Variants in PRKN observed in about 807,000 individuals in gnomAD.
PRKN encodes the protein parkin RBR E3 ubiquitin protein ligase, also known as E3 ubiquitin-protein ligase parkin.
PRKN carries 56 observed loss-of-function variants against 59.5 expected under a neutral mutation model. The observed-to-expected ratio is 0.94, with a 90% CI of 0.76 to 1.18. PRKN has a LOEUF of 1.18. PRKN is among the 50% of genes most tolerant of loss of function. PRKN has a pLI of 0.00. For synonymous variants in PRKN, 250 were observed against 222.1 expected, an observed-to-expected ratio of 1.13 and a Z score of -1.12; for missense variants, 657 against 596.4, an observed-to-expected ratio of 1.10 and a Z score of -1.06.
At chr6:162,239,348 C>T (rs2128090539) in intron 3 of PRKN, among the ~76,000 whole-genome samples, 2 of 152,138 alleles carry the variant, frequency 1.3e-5, no homozygotes, top group South Asian at 4.2e-4. Flanking sequence ...TTTATAGATT[C>T]CTACAAACCT....
In PRKN at chr6:161,758,311, T is replaced by C. The variant is rs73783393; in HGVS notation, c.871+27461A>G. On this transcript the variant is annotated intron_variant, in intron 7 of 11. Coordinates refer to ENST00000366898, the MANE Select transcript of PRKN (RefSeq NM_004562.3). ...ATGCTTGTTGGTAATGCCTGGCAAC[T>C]GGAAACAAGCCCAGCATTCATCAGC... is the stretch of plus-strand genomic sequence containing the variant. 8.1e-3 allele frequency among the ~76,000 whole-genome samples: 1,228 copies of C among 152,230 alleles called. 21 individuals carry two copies. Among genetic ancestry groups the C allele is most frequent in the African/African-American group, 0.027 (1,130 of 41,544 alleles).
chr6:161,757,886 T>TATATACACACACACACAC (rs1416363617), intron 7 of PRKN, among the ~76,000 whole-genome samples: 5 of 116,232 alleles, frequency 4.3e-5, no homozygotes, highest in African/African-American at 1.8e-4. Context: ...TATATATATA[T>TATATACACACACACACAC]ACACACACAC....
intron 1 of PRKN, among the ~76,000 whole-genome samples, chr6:162,645,146 A>G (rs1778118138): frequency 1.3e-5 from 2 of 152,090 alleles, no homozygotes; most frequent in Admixed American, 6.6e-5. Context: ...TTTATTTACA[A>G]TTTTGTTGAC....
intron 7 of PRKN, among the ~76,000 whole-genome samples, chr6:161,618,729 G>A (rs1039835145): frequency 6.6e-6 from 1 of 152,106 alleles, no homozygotes; most frequent in Non-Finnish European, 1.5e-5. Context: ...CACTCAAACT[G>A]CTTTCTTTCA....
chr6:161,494,271 C>A (rs1191027278), intron 9 of PRKN, among the ~76,000 whole-genome samples: 3 of 152,156 alleles, frequency 2.0e-5, no homozygotes, highest in African/African-American at 7.2e-5. Context: ...GCAACTCTTA[C>A]CCCAACTCTA....
At position 161,419,200 on chromosome 6, in the gene PRKN, G is replaced by A. The variant is rs993380178; in HGVS notation, c.1084-32323C>T. On this transcript the variant is annotated intron_variant, in intron 9 of 11. Coordinates refer to ENST00000366898, the MANE Select transcript of PRKN (RefSeq NM_004562.3). This position sits in a 1 kb window ranked among gnomAD's most constrained non-coding sequence, Gnocchi z 4.1. Reference sequence around the variant, plus strand: ...CTACACAGAGTTTGATGCTTCTTGTGCGTGATCTCACCTGTTCCCCCACTT... The same window carrying A: ...CTACACAGAGTTTGATGCTTCTTGTACGTGATCTCACCTGTTCCCCCACTT... 2.0e-4 allele frequency among the ~76,000 whole-genome samples: 31 copies of A among 152,108 alleles called. No individual in the cohort carries two copies. Among genetic ancestry groups the A allele is most frequent in the African/African-American group, 7.2e-4 (30 of 41,408 alleles).
At chr6:162,022,785 A>G (rs992320599) in intron 5 of PRKN, among the ~76,000 whole-genome samples, 3 of 152,106 alleles carry the variant, frequency 2.0e-5, no homozygotes, top group Non-Finnish European at 1.5e-5. Context: ...ATTTTAATAA[A>G]TCAGTGCCTT....
At chr6:161,515,187 A>T (rs994816012) in intron 9 of PRKN, among the ~76,000 whole-genome samples, 4 of 152,170 alleles carry the variant, frequency 2.6e-5, no homozygotes, top group African/African-American at 9.7e-5. Flanking sequence ...TCTACTGAAC[A>T]TCTATTATAT....
chr6:162,082,013 C>T (rs1779079460), intron 4 of PRKN, among the ~76,000 whole-genome samples: 1 of 152,144 alleles, frequency 6.6e-6, no homozygotes, highest in Admixed American at 6.5e-5. Flanking sequence ...AGCTTCCTCA[C>T]CTCTCTCAGC....
chr6:162,478,415 G>T (rs1792130714), intron 1 of PRKN, among the ~76,000 whole-genome samples: 1 of 152,150 alleles, frequency 6.6e-6, no homozygotes, highest in African/African-American at 2.4e-5. Context: ...CGCACAGGAA[G>T]ACCTTGAACT....
At chr6:161,381,034 T>C (rs1785959215) in intron 10 of PRKN, among the ~76,000 whole-genome samples, 1 of 152,224 alleles carries the variant, frequency 6.6e-6, no homozygotes, top group African/African-American at 2.4e-5. Flanking sequence ...GATGTGTTTT[T>C]GTTGTTCTGT....
chr6:162,512,705 G>A (rs1452719579), intron 1 of PRKN, among the ~76,000 whole-genome samples: 1 of 152,114 alleles, frequency 6.6e-6, no homozygotes, highest in African/African-American at 2.4e-5. Flanking sequence ...CCTCTATGCT[G>A]TACTGTGATA....
chr6:162,177,678 T>C (rs1306035703), intron 4 of PRKN, among the ~76,000 whole-genome samples: 3 of 152,166 alleles, frequency 2.0e-5, no homozygotes, highest in African/African-American at 7.2e-5. Context: ...GCACGTTCTC[T>C]TTGTGCCTTC....
Position 161,449,164 on chromosome 6 carries a change from A to G in PRKN, c.1084-62287T>C, listed in dbSNP as rs548744045. Among the ~76,000 whole-genome samples the G allele has an allele frequency of 5.0e-4, 76 of 152,342 alleles. No individual in the cohort carries two copies. In the South Asian group the frequency reaches 0.01, roughly 21 times the overall value. On this transcript the variant is annotated intron_variant, in intron 9 of 11. Coordinates refer to ENST00000366898, the MANE Select transcript of PRKN (RefSeq NM_004562.3). The stretch of plus-strand genomic sequence containing the variant: ...ATTTCTTGGTTTATGCTTGCAATTT[A>G]TAATTTGTATGCTCAGTCAATTCTG...
At chr6:162,319,661 G>T (rs1013247560) in intron 2 of PRKN, among the ~76,000 whole-genome samples, 7 of 151,886 alleles carry the variant, frequency 4.6e-5, no homozygotes, top group African/African-American at 1.4e-4. Flanking sequence ...ATGAAAATAG[G>T]CTTGGGATGC....
chr6:161,688,221 T>C (rs1345879241), intron 7 of PRKN, among the ~76,000 whole-genome samples: 2 of 152,202 alleles, frequency 1.3e-5, no homozygotes, highest in South Asian at 4.1e-4. Flanking sequence ...AGTGGGGACT[T>C]AGTGAATGGC....
chr6:162,528,779 C>T (rs969378229), intron 1 of PRKN, among the ~76,000 whole-genome samples: 1 of 151,232 alleles, frequency 6.6e-6, no homozygotes, highest in African/African-American at 2.4e-5. Context: ...GCCTGGATGA[C>T]AGAGTGAGAT....
chr6:161,902,556 A>ATCTATTTTTTT lies in PRKN; in HGVS notation c.734+70745_734+70746insAAAAAAATAGA, dbSNP rs1382089937. Among the ~76,000 whole-genome samples, 369 of 118,102 alleles carry ATCTATTTTTTT rather than the reference A, an allele frequency of 3.1e-3. 41 individuals carry two copies. Among genetic ancestry groups the ATCTATTTTTTT allele is most frequent in the African/African-American group, 5.6e-3 (159 of 28,510 alleles). The allele number at this position is 118,102 out of a possible 152,430, so 77.5% of individuals were successfully genotyped here. A position where few individuals can be genotyped will look rare whatever the true frequency, so the allele number is the denominator to read the frequency against. ...TATCTATCTATCTATCTATTTATTTATTTATTTATTTTTTTTTTTTTGCGA... is the reference window on the plus strand; with the variant it reads ...TATCTATCTATCTATCTATTTATTTATCTATTTTTTTTTTATTTATTTTTTTTTTTTTGCGA... On this transcript the variant is annotated intron_variant, in intron 6 of 11. Transcript: ENST00000366898.
intron 3 of PRKN, among the ~76,000 whole-genome samples, chr6:162,227,620 G>A (rs1204991539): frequency 1.3e-5 from 2 of 152,060 alleles, no homozygotes; most frequent in Admixed American, 6.6e-5. Flanking sequence ...CTACCTGAAG[G>A]TACAAAGCTG....
Sources: gnomAD v4.1 joint callset for allele counts (sites outside exome capture counted in the v4.1 genomes callset) on GRCh38, gnomAD v4.1.1 for gene constraint, Gnocchi (gnomAD v3.1) non-coding constraint, MANE v1.5 for transcripts, NCBI Gene and HGNC (gene_info 2026-07-23, HGNC 2026-07-21) for gene names.